Variants in RAD51B observed in about 807,000 individuals in gnomAD.
The protein encoded by RAD51B is RAD51 paralog B.
A neutral mutation model predicts 42.2 loss-of-function variants in RAD51B; 38 were observed. The observed-to-expected ratio is 0.90, with a 90% CI of 0.70 to 1.18. The LOEUF (loss-of-function observed/expected upper bound fraction) is 1.18, where lower values mean the gene tolerates loss of function less well. Among genes scored for constraint, RAD51B ranks in the 50% most tolerant of loss-of-function variants. RAD51B has a pLI of 0.00. For synonymous variants in RAD51B, 154 were observed against 145.2 expected (o/e 1.06, Z -0.43); for missense variants, 373 against 400.7 (o/e 0.93, Z 0.59).
chr14:68,022,692 C>T (rs1056123359), intron 7 of RAD51B, among the ~76,000 whole-genome samples: 19 of 151,444 alleles, frequency 1.3e-4, no homozygotes, highest in African/African-American at 3.2e-4. Flanking sequence ...TACATGTGCA[C>T]GTTCATTACA....
intron 10 of RAD51B, among the ~76,000 whole-genome samples, chr14:68,603,830 G>T (rs1161722865): frequency 6.6e-6 from 1 of 152,228 alleles, no homozygotes; most frequent in African/African-American, 2.4e-5. Flanking sequence ...CGGCCGCGCT[G>T]GCCCCCTGTC....
At chr14:68,028,340 G>A (rs1301694823) in intron 7 of RAD51B, among the ~76,000 whole-genome samples, 2 of 152,164 alleles carry the variant, frequency 1.3e-5, no homozygotes, top group South Asian at 2.1e-4. Context: ...GGTGTTCTGG[G>A]CCATGAGGCT....
At chr14:68,530,405 C>T (rs1191984219) in intron 10 of RAD51B, among the ~76,000 whole-genome samples, 1 of 125,754 alleles carries the variant, frequency 8.0e-6, no homozygotes, top group Non-Finnish European at 1.6e-5. Flanking sequence ...CATGATTGTG[C>T]TACTACACTC....
At chr14:68,072,135 TTATA>T (rs1216166647) in intron 7 of RAD51B, among the ~76,000 whole-genome samples, 1 of 131,074 alleles carries the variant, frequency 7.6e-6, no homozygotes, top group Non-Finnish European at 1.6e-5. Flanking sequence ...ATATATATAA[TTATA>T]TATATATTTT....
chr14:68,559,102 G>A (rs946799359), intron 10 of RAD51B, among the ~76,000 whole-genome samples: 2 of 150,992 alleles, frequency 1.3e-5, no homozygotes, highest in Non-Finnish European at 2.9e-5. Flanking sequence ...TATTGATATA[G>A]TGTTATATAT....
At chr14:68,353,436 T>G (rs1412797965) in intron 8 of RAD51B, among the ~76,000 whole-genome samples, 1 of 152,164 alleles carries the variant, frequency 6.6e-6, no homozygotes, top group Admixed American at 6.6e-5. Flanking sequence ...AGGTGAGGGA[T>G]GGGGTACAGA....
intron 11 of RAD51B, among the ~76,000 whole-genome samples, chr14:68,663,420 C>G (rs1375351202): frequency 6.6e-6 from 1 of 152,212 alleles, no homozygotes; most frequent in African/African-American, 2.4e-5. Flanking sequence ...TCCACTGCCC[C>G]TGTATCTAAG....
intron 7 of RAD51B, among the ~76,000 whole-genome samples, chr14:68,096,000 ACAGACT>A (rs1293304003): frequency 1.3e-5 from 2 of 151,152 alleles, no homozygotes; most frequent in African/African-American, 2.4e-5. Flanking sequence ...AAAAAAAGAA[ACAGACT>A]CAGAAAGGTT....
At chr14:68,086,375 G>A (rs2076985374) in intron 7 of RAD51B, among the ~76,000 whole-genome samples, 2 of 152,244 alleles carry the variant, frequency 1.3e-5, no homozygotes, top group Non-Finnish European at 1.5e-5. Flanking sequence ...GCCTGCTAGG[G>A]TCTCGGGGTT....
At chr14:68,680,725 A>G (rs1428610790) in intron 11 of RAD51B, among the ~76,000 whole-genome samples, 1 of 152,172 alleles carries the variant, frequency 6.6e-6, no homozygotes, top group Non-Finnish European at 1.5e-5. Context: ...AAACAACGTC[A>G]ACAGCTTCAG....
chr14:68,154,527 C>A (rs1295267554), intron 7 of RAD51B, among the ~76,000 whole-genome samples: 1 of 152,172 alleles, frequency 6.6e-6, no homozygotes, highest in African/African-American at 2.4e-5. Flanking sequence ...TTGAGGGAGA[C>A]TCTCTAAGAT....
chr14:67,883,377 T>C (rs1277049422), intron 5 of RAD51B, among the ~76,000 whole-genome samples: 1 of 152,092 alleles, frequency 6.6e-6, no homozygotes. Flanking sequence ...TATGTGATCT[T>C]GGCCTTGGCT....
intron 7 of RAD51B, among the ~76,000 whole-genome samples, chr14:68,137,422 AT>A (rs1040927648): frequency 1.6e-4 from 25 of 152,316 alleles, no homozygotes; most frequent in Admixed American, 1.6e-3. Flanking sequence ...GTTCTTGAGA[AT>A]TTTAAAATCA....
chr14:68,115,676 A>G (rs935270412), intron 7 of RAD51B, among the ~76,000 whole-genome samples: 7 of 152,100 alleles, frequency 4.6e-5, no homozygotes, highest in African/African-American at 1.7e-4. Context: ...GATGAAGACA[A>G]TCCCAGAAAA....
intron 7 of RAD51B, among the ~76,000 whole-genome samples, chr14:67,912,862 T>C (rs2044031679): frequency 6.6e-6 from 1 of 151,986 alleles, no homozygotes; most frequent in African/African-American, 2.4e-5. Context: ...CCTGCCACCA[T>C]GCCCGGCTAA....
intron 7 of RAD51B, among the ~76,000 whole-genome samples, chr14:68,056,319 T>C (rs2076473376): frequency 6.6e-6 from 1 of 152,092 alleles, no homozygotes; most frequent in African/African-American, 2.4e-5. Context: ...GGCTAATTTT[T>C]TGTATTTTTA....
chr14:68,562,164 C>T (rs17829021), intron 10 of RAD51B: 30,332 of 985,330 alleles, frequency 0.031, 510 homozygotes, highest in Middle Eastern at 0.042. Context: ...GAAGAGGCAA[C>T]GCTTACAACG....
At chr14:68,426,007 C>CCTTTCTTTCTTTCTTT (rs59829165) in intron 9 of RAD51B, among the ~76,000 whole-genome samples, 9 of 116,634 alleles carry the variant, frequency 7.7e-5, no homozygotes, top group African/African-American at 3.4e-4. Context: ...TTCCTTCCTT[C>CCTTTCTTTCTTTCTTT]CTTTCTTTCT....
At chr14:68,524,379 A>G (rs1053236418) in intron 10 of RAD51B, among the ~76,000 whole-genome samples, 7 of 152,344 alleles carry the variant, frequency 4.6e-5, no homozygotes, top group South Asian at 2.1e-4. Flanking sequence ...AGATAAATCT[A>G]TGGACAGAGT....
Sources: gnomAD v4.1 joint callset for allele counts (sites outside exome capture counted in the v4.1 genomes callset) on GRCh38, gnomAD v4.1.1 for gene constraint, MANE v1.5 for transcripts, NCBI Gene and HGNC (gene_info 2026-07-23, HGNC 2026-07-21) for gene names.